SHC3: variants seen among roughly 807,000 people sequenced by gnomAD.
SHC3 encodes the protein SHC-transforming protein 3.
A neutral mutation model predicts 60.4 loss-of-function variants in SHC3; 15 were observed. The ratio of observed to expected loss-of-function variants is 0.25; its 90% CI spans 0.17 to 0.38. SHC3 has a LOEUF of 0.38. Among genes scored for constraint, SHC3 ranks in the 10% least tolerant of loss-of-function variants. The pLI is 1.00. For missense variants in SHC3, 677 were observed against 786.1 expected (o/e 0.86, Z 1.66); for synonymous variants, 294 against 325.9 (o/e 0.90, Z 1.05).
Position 89,031,530 on chromosome 9 carries a change from T to C in SHC3, c.1656+6463A>G, listed in dbSNP as rs565804991. Among the ~76,000 whole-genome samples, 47 of 152,378 alleles carry C rather than the reference T, an allele frequency of 3.1e-4. No individual in the cohort carries two copies. In the South Asian group the frequency reaches 3.9e-3, roughly 13 times the overall value. On this transcript the variant is annotated intron_variant, in intron 11 of 11. Transcript: ENST00000375835. The stretch of plus-strand genomic sequence containing the variant: ...CACTAGCTTCTTTCACTTAGCATAA[T>C]GTTTTCAAGGTTCATCCAAGTTGTG...
At chr9:89,077,798 G>A (rs370296898) in intron 3 of SHC3, 42 bp downstream of exon 3, 5 of 1,609,718 alleles carry the variant, frequency 3.1e-6, no homozygotes, top group Non-Finnish European at 4.3e-6. Context: ...AAAAGAGGAA[G>A]TAGAGGAGAC....
chr9:89,076,661 TTGCTCTCAGACAACATCTACC>T lies in SHC3; in HGVS notation c.609+1158_609+1178del, dbSNP rs1825363231. ...GCCTGTGGAGCCCAGCCCTCTGAGC[TTGCTCTCAGACAACATCTACC>T]TGCATTGTGGCCTTTCCCCTCCGTT... On this transcript the variant is annotated intron_variant, in intron 3 of 11. Transcript: ENST00000375835. Among the ~76,000 whole-genome samples, 22 of 152,286 alleles carry T rather than the reference TTGCTCTCAGACAACATCTACC, an allele frequency of 1.4e-4. No homozygotes were observed. The South Asian group carries it at 4.6e-3, about 32-fold the overall frequency.
chr9:89,100,396 TTTG>T (rs934106153), intron 2 of SHC3, among the ~76,000 whole-genome samples: 5 of 152,046 alleles, frequency 3.3e-5, no homozygotes, highest in African/African-American at 7.2e-5. Flanking sequence ...TATGAGGGTT[TTTG>T]TTGTTGTTGT....
intron 1 of SHC3, among the ~76,000 whole-genome samples, chr9:89,141,697 A>C (rs1826396045): frequency 6.6e-6 from 1 of 152,200 alleles, no homozygotes; most frequent in Non-Finnish European, 1.5e-5. Context: ...TGCCCTGCTT[A>C]GCACCCAATG....
chr9:89,016,481 T>A (rs1826095715), intron 11 of SHC3, among the ~76,000 whole-genome samples: 1 of 151,864 alleles, frequency 6.6e-6, no homozygotes, highest in Non-Finnish European at 1.5e-5. Flanking sequence ...CAAGAAGAAA[T>A]AAACAATCAG....
At position 89,052,177 on chromosome 9, in the gene SHC3, T is replaced by C; in HGVS notation, c.836-14A>G. 1.2e-6 allele frequency: 2 copies of C among 1,612,966 alleles called. No homozygotes were observed. Among genetic ancestry groups the C allele is most frequent in the Non-Finnish European group, 1.7e-6 (2 of 1,179,318 alleles). On this transcript the variant is annotated splice_polypyrimidine_tract_variant and intron_variant, in intron 6 of 11. Transcript: ENST00000375835. ...AAATGTGACAAGCTGGGAAAGCAAG[T>C]GACATGGGCCTATTAGAGACAGACA...
chr9:89,019,598 C>T (rs538852947), intron 11 of SHC3, among the ~76,000 whole-genome samples: 1 of 152,152 alleles, frequency 6.6e-6, no homozygotes, highest in African/African-American at 2.4e-5. Context: ...TAATCACTTT[C>T]CTATATATCA....
chr9:89,112,674 A>G, intron 1 of SHC3, 48 bp from the exon 2 acceptor site: 2 of 1,528,808 alleles, frequency 1.3e-6, no homozygotes, highest in Non-Finnish European at 1.8e-6. Flanking sequence ...TTTGAGATAA[A>G]GAGACAACTC....
At chr9:89,144,398 C>T (rs930904242) in intron 1 of SHC3, among the ~76,000 whole-genome samples, 5 of 152,200 alleles carry the variant, frequency 3.3e-5, no homozygotes, top group African/African-American at 7.2e-5. Flanking sequence ...GCTTGTTAAA[C>T]GCAAGCTGCT....
intron 1 of SHC3, among the ~76,000 whole-genome samples, chr9:89,135,445 A>G (rs1359375302): frequency 6.6e-6 from 1 of 152,162 alleles, no homozygotes; most frequent in Non-Finnish European, 1.5e-5. Flanking sequence ...CCTTTTATAG[A>G]AAAGGAATTC....
intron 1 of SHC3, among the ~76,000 whole-genome samples, chr9:89,126,836 C>G (rs1263180197): frequency 1.3e-5 from 2 of 152,076 alleles, no homozygotes; most frequent in Non-Finnish European, 2.9e-5. Context: ...AAGAGGGGTA[C>G]CTTAGTATAG....
intron 1 of SHC3, among the ~76,000 whole-genome samples, chr9:89,146,909 G>C (rs1165742914): frequency 6.6e-6 from 1 of 152,154 alleles, no homozygotes; most frequent in Non-Finnish European, 1.5e-5. Flanking sequence ...TTCTTCCAAA[G>C]CTGAACATGT....
intron 4 of SHC3, among the ~76,000 whole-genome samples, chr9:89,072,194 C>T (rs6559339): frequency 0.023 from 3,571 of 152,248 alleles, 62 homozygotes; most frequent in Middle Eastern, 0.068. Flanking sequence ...TTAAAATAGC[C>T]TCAATAAAAG....
intron 1 of SHC3, among the ~76,000 whole-genome samples, chr9:89,170,135 C>A (rs1176543189): frequency 6.6e-6 from 1 of 152,090 alleles, no homozygotes; most frequent in East Asian, 1.9e-4. Context: ...GGAGAGGCAG[C>A]AAGGAGGGAT....
At position 89,052,095 on chromosome 9, in the gene SHC3, C is replaced by T; in HGVS notation, c.904G>A (p.Glu302Lys). Residue 302 changes from glutamate to lysine, a missense_variant, in exon 7 of 12, where the codon GAG becomes AAG. Coordinates refer to ENST00000375835, the MANE Select transcript of SHC3 (RefSeq NM_016848.6). Reference protein sequence around the residue: ...DVIGSIGQAFELRFKQYLQCP... With the variant: ...DVIGSIGQAFKLRFKQYLQCP... ...TGTAAATATTGCTTAAACCGGAGCT[C>T]AAAGGCTTGTCCGATGGAGCCGATG... 6.2e-7 allele frequency: 1 copy of T among 1,614,132 alleles called. No homozygotes were observed. The highest frequency in any genetic ancestry group is 8.5e-7 in the Non-Finnish European group (1 of 1,179,996).
At chr9:89,155,099 G>T (rs1826603401) in intron 1 of SHC3, among the ~76,000 whole-genome samples, 1 of 152,088 alleles carries the variant, frequency 6.6e-6, no homozygotes, top group Non-Finnish European at 1.5e-5. Flanking sequence ...AAAGACTGCT[G>T]GTCAGGATGA....
In SHC3 at chr9:89,109,116, G is replaced by T. The variant is rs1264863606; in HGVS notation, c.545+3440C>A. On this transcript the variant is annotated intron_variant, in intron 2 of 11. Transcript: ENST00000375835. The stretch of plus-strand genomic sequence containing the variant: ...CTCTCAGCCTGGGCCAGGTCCTGGG[G>T]ATAGGAAATCCTCTACAAACAACAT... 5.1e-5 allele frequency: 50 copies of T among 985,388 alleles called. No homozygotes were observed. The Admixed American group carries it at 1.6e-3, about 32-fold the overall frequency. The allele number at this position is 985,388 out of a possible 1,614,324, so 61.0% of individuals were successfully genotyped here.
rs1179934793 is a variant in SHC3, at chr9:89,035,855, GTGTGTGT to G, written c.1656+2131_1656+2137del. On this transcript the variant is annotated intron_variant, in intron 11 of 11. Coordinates refer to ENST00000375835, the MANE Select transcript of SHC3 (RefSeq NM_016848.6). The stretch of plus-strand genomic sequence containing the variant: ...AATATATATATATATATATAGATGT[GTGTGTGT>G]GTGTGTGTGTGTGTGTGTGTGTGTG... 6.2e-3 allele frequency among the ~76,000 whole-genome samples: 610 copies of G among 97,664 alleles called. 6 individuals carry two copies. The highest frequency in any genetic ancestry group is 0.022 in the Middle Eastern group (4 of 180). The allele number at this position is 97,664 out of a possible 152,430, so 64.1% of individuals were successfully genotyped here.
rs750076499 is a variant in SHC3 at position 89,077,823 on chromosome 9, A to G, written c.609+17T>C. 1.9e-6 allele frequency: 3 copies of G among 1,614,010 alleles called. No individual in the cohort carries two copies. The highest frequency in any genetic ancestry group is 2.5e-6 in the Non-Finnish European group (3 of 1,179,976). On this transcript the variant is annotated intron_variant, in intron 3 of 11. Transcript: ENST00000375835. ...GTAGAGGAGACACAGTTAGACACAG[A>G]GCATTGAGGACAGTACCTTTCTCTT...
Sources: gnomAD v4.1 joint callset for allele counts (sites outside exome capture counted in the v4.1 genomes callset) on GRCh38, gnomAD v4.1.1 for gene constraint, MANE v1.5 for transcripts, NCBI Gene and HGNC (gene_info 2026-07-23, HGNC 2026-07-21) for gene names.